CDH18: variants seen among roughly 807,000 people sequenced by gnomAD.
The protein encoded by CDH18 is cadherin 18.
In CDH18, 31 loss-of-function variants were observed where a neutral mutation model predicts 67.9. That is an observed-to-expected ratio of 0.46 (90% CI 0.34 to 0.62). The LOEUF (loss-of-function observed/expected upper bound fraction) is 0.62, where lower values mean the gene tolerates loss of function less well. CDH18 is among the 20% of genes least tolerant of loss of function. The pLI is 0.01. For synonymous variants in CDH18, 362 were observed against 347.2 expected, an observed-to-expected ratio of 1.04 and a Z score of -0.48; for missense variants, 890 against 975.5, an observed-to-expected ratio of 0.91 and a Z score of 1.17.
At chr5:19,685,283 G>T (rs1263647712) in intron 5 of CDH18, among the ~76,000 whole-genome samples, 1 of 152,164 alleles carries the variant, frequency 6.6e-6, no homozygotes, top group Non-Finnish European at 1.5e-5. Context: ...GCACAGTCCA[G>T]TGCTGGTCAG....
intron 11 of CDH18, 23 bp from the exon 12 acceptor site, chr5:19,483,575 A>G: frequency 1.9e-6 from 3 of 1,568,414 alleles, no homozygotes; most frequent in Non-Finnish European, 2.6e-6. Flanking sequence ...TAAGCAAAAC[A>G]AAATACACTT....
At chr5:20,295,464 C>G (rs1318491168) in intron 1 of CDH18, among the ~76,000 whole-genome samples, 1 of 152,164 alleles carries the variant, frequency 6.6e-6, no homozygotes, top group African/African-American at 2.4e-5. Context: ...CACAGTGGCT[C>G]ACGCCTGTAG....
chr5:19,871,543 T>C (rs1786290357), intron 2 of CDH18, among the ~76,000 whole-genome samples: 1 of 152,238 alleles, frequency 6.6e-6, no homozygotes, highest in South Asian at 2.1e-4. Flanking sequence ...GGATGTAGCA[T>C]ATTCCTAAAT....
At chr5:20,309,481 AAC>A (rs1315271020) in intron 1 of CDH18, among the ~76,000 whole-genome samples, 2 of 152,248 alleles carry the variant, frequency 1.3e-5, no homozygotes, top group African/African-American at 4.8e-5. Flanking sequence ...TAAGAAAAAA[AAC>A]ACATAAATTC....
At chr5:19,638,582 G>A (rs1753502372) in intron 5 of CDH18, among the ~76,000 whole-genome samples, 1 of 150,122 alleles carries the variant, frequency 6.7e-6, no homozygotes, top group East Asian at 2.0e-4. Context: ...AGCTGCATAA[G>A]TTAAAACAGT....
chr5:20,103,053 C>G (rs1376512643), intron 2 of CDH18, among the ~76,000 whole-genome samples: 1 of 152,176 alleles, frequency 6.6e-6, no homozygotes, highest in African/African-American at 2.4e-5. Context: ...TTCTAGTACT[C>G]AGGGTGAGCA....
chr5:19,851,002 T>C (rs1232690592), intron 2 of CDH18, among the ~76,000 whole-genome samples: 5 of 151,978 alleles, frequency 3.3e-5, no homozygotes, highest in Admixed American at 6.6e-5. Flanking sequence ...TGCAAAAAGG[T>C]CCTGGTGGAT....
Position 20,263,486 on chromosome 5 carries a change from C to T in CDH18, c.-579-7981G>A, listed in dbSNP as rs1427526316. Among the ~76,000 whole-genome samples, 9 of 152,142 alleles carry T rather than the reference C, an allele frequency of 5.9e-5. No homozygotes were observed. In the East Asian group the frequency reaches 1.4e-3, roughly 23 times the overall value. ...TCATGGATTTGACAGTACTGTAACC[C>T]TTAAATAATTTCCTGATGAGATTAT... On this transcript the variant is annotated intron_variant, in intron 1 of 14. Coordinates refer to the CDH18 transcript ENST00000507958.
chr5:20,519,134 T>G (rs1247021030), intron 1 of CDH18, among the ~76,000 whole-genome samples: 1 of 152,156 alleles, frequency 6.6e-6, no homozygotes, highest in East Asian at 1.9e-4. Flanking sequence ...GTTGTGATTT[T>G]CACCATATTA....
chr5:19,643,467 T>C (rs1374265082), intron 5 of CDH18, among the ~76,000 whole-genome samples: 6 of 152,044 alleles, frequency 3.9e-5, no homozygotes, highest in Admixed American at 3.3e-4. Context: ...GAAAACGTGG[T>C]TTATTTATGC....
At chr5:20,399,266 AATT>A (rs1272197339) in intron 1 of CDH18, among the ~76,000 whole-genome samples, 3 of 152,194 alleles carry the variant, frequency 2.0e-5, no homozygotes, top group Non-Finnish European at 4.4e-5. Flanking sequence ...ATTCAATATA[AATT>A]ATTATCAAAA....
intron 2 of CDH18, among the ~76,000 whole-genome samples, chr5:20,201,414 C>CA (rs1739434328): frequency 6.6e-6 from 1 of 152,086 alleles, no homozygotes; most frequent in Non-Finnish European, 1.5e-5. Context: ...TTGCCAGACA[C>CA]AGTTCAATTA....
At chr5:20,374,471 T>C (rs907411338) in intron 1 of CDH18, among the ~76,000 whole-genome samples, 4 of 152,172 alleles carry the variant, frequency 2.6e-5, no homozygotes, top group African/African-American at 9.7e-5. Flanking sequence ...ATTTGAGACA[T>C]CTTGGGGTTT....
intron 3 of CDH18, among the ~76,000 whole-genome samples, chr5:19,800,897 T>TTGCCTGAGCTCGGGAGTCCGCGACC (rs1219831659): frequency 6.6e-6 from 1 of 152,180 alleles, no homozygotes. Context: ...GTCGGGCAGA[T>TTGCCTGAGCTCGGGAGTCCGCGACC]TGCCTGAGCT....
At chr5:20,485,356 C>G (rs568964370) in intron 1 of CDH18, among the ~76,000 whole-genome samples, 8 of 152,252 alleles carry the variant, frequency 5.3e-5, no homozygotes, top group Non-Finnish European at 8.8e-5. Context: ...AAAGAACTAA[C>G]ACACTTCTAA....
chr5:19,762,070 G>T (rs1772432597), intron 3 of CDH18, among the ~76,000 whole-genome samples: 1 of 151,986 alleles, frequency 6.6e-6, no homozygotes, highest in African/African-American at 2.4e-5. Context: ...TCCCTTCCTT[G>T]CACCTTACAC....
At position 20,521,446 on chromosome 5, in the gene CDH18, G is replaced by A. The variant is rs150043567; in HGVS notation, c.-580+54016C>T. 7.2e-4 allele frequency among the ~76,000 whole-genome samples: 110 copies of A among 152,172 alleles called. 1 individual carries two copies. The highest frequency in any genetic ancestry group is 2.6e-3 in the African/African-American group (109 of 41,516). Reference sequence around the variant, plus strand: ...GACTTAGGAGTTTGAATTAGCCATAGGATTTAGCAAACTGGCAATCACTGG... The same window carrying A: ...GACTTAGGAGTTTGAATTAGCCATAAGATTTAGCAAACTGGCAATCACTGG... On this transcript the variant is annotated intron_variant, in intron 1 of 14. Coordinates refer to the CDH18 transcript ENST00000507958.
At chr5:19,682,382 C>T (rs1048970013) in intron 5 of CDH18, among the ~76,000 whole-genome samples, 1 of 152,058 alleles carries the variant, frequency 6.6e-6, no homozygotes, top group Non-Finnish European at 1.5e-5. Context: ...TCCTTAAAGA[C>T]ATCAGCCCCT....
chr5:20,268,290 GGGTATT>G (rs1171891043), intron 1 of CDH18, among the ~76,000 whole-genome samples: 3 of 152,056 alleles, frequency 2.0e-5, no homozygotes, highest in African/African-American at 7.2e-5. Context: ...GTATTCCTTT[GGGTATT>G]GGTTGAATCT....
Sources: allele counts gnomAD v4.1 joint callset (sites outside exome capture counted in the v4.1 genomes callset), GRCh38; gene constraint gnomAD v4.1.1; transcripts MANE v1.5; gene names NCBI Gene and HGNC (gene_info 2026-07-23, HGNC 2026-07-21).